Variants in BICD2 observed in about 807,000 individuals in gnomAD.
BICD2 encodes BICD cargo adaptor 2.
A neutral mutation model predicts 72.9 loss-of-function variants in BICD2; 25 were observed. The ratio of observed to expected loss-of-function variants is 0.34; its 90% CI spans 0.25 to 0.48. The LOEUF is 0.48. BICD2 is among the 20% of genes least tolerant of loss of function. BICD2 has a pLI of 0.99. For missense variants in BICD2, 894 were observed against 1,175.2 expected, an observed-to-expected ratio of 0.76 and a Z score of 3.50; for synonymous variants, 501 against 516.1, an observed-to-expected ratio of 0.97 and a Z score of 0.40.
chr9:92,743,049 G>A (rs1197976341), intron 1 of BICD2, among the ~76,000 whole-genome samples: 1 of 152,180 alleles, frequency 6.6e-6, no homozygotes, highest in African/African-American at 2.4e-5. Flanking sequence ...TTGAGGAACT[G>A]CCAAATTTTC....
intron 1 of BICD2, among the ~76,000 whole-genome samples, chr9:92,755,331 TTTCGCCTCGG>T (rs1382328330): frequency 6.6e-6 from 1 of 152,232 alleles, no homozygotes. Flanking sequence ...GCAATTTTAA[TTTCGCCTCGG>T]TCCTGTGGTC....
At position 92,711,909 on chromosome 9, in the gene BICD2, A is replaced by G. The variant is rs986710656; in HGVS notation, c.*3245T>C. 2.0e-5 allele frequency: 3 copies of G among 152,326 alleles called. 1 individual carries two copies. Among genetic ancestry groups the G allele is most frequent in the South Asian group, 4.2e-4 (2 of 4,806 alleles). 9.4% of individuals were successfully genotyped at this position (152,326 alleles called of 1,614,324 possible). On this transcript the variant is annotated 3_prime_UTR_variant, in exon 7 of 7. Coordinates refer to ENST00000356884, the MANE Select transcript of BICD2 (RefSeq NM_001003800.2). ...TTCCTCCAAGAGTACCAATTTGACCACTCCCACTAACCTCACTCAGCAAAC... is the reference window on the plus strand; with the variant it reads ...TTCCTCCAAGAGTACCAATTTGACCGCTCCCACTAACCTCACTCAGCAAAC...
intron 1 of BICD2, among the ~76,000 whole-genome samples, chr9:92,750,914 TTTTA>T (rs1405161777): frequency 5.9e-5 from 9 of 152,188 alleles, no homozygotes; most frequent in African/African-American, 1.9e-4. Flanking sequence ...AACTTTTTCT[TTTTA>T]TTTGTTTTTT....
chr9:92,729,295 G>A, intron 1 of BICD2, 59 bp from the exon 2 acceptor site: 2 of 1,564,276 alleles, frequency 1.3e-6, no homozygotes, highest in Non-Finnish European at 1.8e-6. Flanking sequence ...GAAGGATAGA[G>A]ACCCAGCTCA....
chr9:92,756,611 G>A (rs1164182359), intron 1 of BICD2, among the ~76,000 whole-genome samples: 3 of 148,444 alleles, frequency 2.0e-5, no homozygotes, highest in Non-Finnish European at 3.0e-5. Context: ...AGTGGCTCAC[G>A]CCTGTAATCC....
chr9:92,720,901 G>T lies in BICD2; in HGVS notation c.607-146C>A. On this transcript the variant is annotated intron_variant, in intron 3 of 6. Transcript: ENST00000356884. This position sits in a 1 kb window ranked among gnomAD's most constrained non-coding sequence, Gnocchi z 5.4. ...CCAGGTGAGGTGCCATCCTGGGAAG[G>T]GTGGCAGCCCGTCCAGGCCAAGACT... The T allele has an allele frequency of 1.2e-6, 1 of 836,698 alleles. No individual in the cohort carries two copies. The highest frequency in any genetic ancestry group is 1.8e-6 in the Non-Finnish European group (1 of 550,032). 51.8% of individuals were successfully genotyped at this position (836,698 alleles called of 1,614,324 possible).
chr9:92,763,789 G>A (rs1054902452), intron 1 of BICD2, among the ~76,000 whole-genome samples: 2 of 152,196 alleles, frequency 1.3e-5, no homozygotes, highest in Non-Finnish European at 2.9e-5. Context: ...AAGGGCCCGA[G>A]AAGCGGGGCT....
At chr9:92,723,582 A>G (rs541489926) in intron 2 of BICD2, among the ~76,000 whole-genome samples, 2 of 152,272 alleles carry the variant, frequency 1.3e-5, no homozygotes, top group East Asian at 1.9e-4. Context: ...AGTGACTGAA[A>G]TGGGTTTTCT....
chr9:92,719,568 C>T lies in BICD2; in HGVS notation c.1077G>A (p.Lys359=), dbSNP rs1229375343. The part of the protein sequence containing the change: ...KQQLMQMERE[K]AGLLATLQDT... Reference sequence around the variant, plus strand: ...CCTGCAGCGTTGCCAGCAGGCCCGCCTTTTCCCGCTCCATCTGCAAAGGCA... The same window carrying T: ...CCTGCAGCGTTGCCAGCAGGCCCGCTTTTTCCCGCTCCATCTGCAAAGGCA... Residue 359 remains lysine (K), a synonymous_variant, in exon 5 of 7, where the codon AAG becomes AAA. Transcript: ENST00000356884. 3 of 1,604,746 alleles carry T rather than the reference C, an allele frequency of 1.9e-6. No homozygotes were observed.
chr9:92,741,156 A>G (rs965451756), intron 1 of BICD2, among the ~76,000 whole-genome samples: 1 of 152,188 alleles, frequency 6.6e-6, no homozygotes, highest in Non-Finnish European at 1.5e-5. Flanking sequence ...ACTCAACGGG[A>G]ATGTTCAGCA....
intron 6 of BICD2, among the ~76,000 whole-genome samples, chr9:92,716,787 G>A (rs1853323936): frequency 1.3e-5 from 2 of 152,238 alleles, no homozygotes; most frequent in Admixed American, 6.5e-5. Flanking sequence ...AACACTTAGG[G>A]AGCCTCGATT....
rs1425451930 is a variant in BICD2, at chr9:92,713,321, T to C, written c.*1833A>G. ...CTGGGGAATGCTATTTTGAAAAGAA[T>C]TGCAGTGGCATATCCAAAAAGTTTC... is the stretch of plus-strand genomic sequence containing the variant. On this transcript the variant is annotated 3_prime_UTR_variant, in exon 7 of 7. Coordinates refer to ENST00000356884, the MANE Select transcript of BICD2 (RefSeq NM_001003800.2). 16 of 922,790 alleles carry C rather than the reference T, an allele frequency of 1.7e-5. No individual in the cohort carries two copies. 57.2% of individuals were successfully genotyped at this position (922,790 alleles called of 1,614,324 possible).
intron 1 of BICD2, among the ~76,000 whole-genome samples, chr9:92,752,111 T>G (rs780764138): frequency 1.8e-4 from 28 of 152,136 alleles, no homozygotes; most frequent in Non-Finnish European, 3.7e-4. Flanking sequence ...AGCCACTAAC[T>G]AACTGCATGT....
In BICD2 at chr9:92,712,880, T is replaced by C. The variant is rs961242639; in HGVS notation, c.*2274A>G. 2.6e-5 allele frequency: 4 copies of C among 152,700 alleles called. No homozygotes were observed. Among genetic ancestry groups the C allele is most frequent in the South Asian group, 2.1e-4 (1 of 4,844 alleles). 9.5% of individuals were successfully genotyped at this position (152,700 alleles called of 1,614,324 possible). ...CAATGCCGTATGATCTAAAGGCTGC[T>C]GAACCACAGCGTGGATACACTTAGC... On this transcript the variant is annotated 3_prime_UTR_variant, in exon 7 of 7. Coordinates refer to ENST00000356884, the MANE Select transcript of BICD2 (RefSeq NM_001003800.2).
rs762368676 is a variant in BICD2, at chr9:92,721,878, G to A, written c.606+778C>T. ...TTAATGAGCTCGAGCTGTCACAGAA[G>A]GACCAGGCTAGGAGCTCTGCATAAA... On this transcript the variant is annotated intron_variant, in intron 3 of 6. Transcript: ENST00000356884. 2.0e-4 allele frequency among the ~76,000 whole-genome samples: 31 copies of A among 152,224 alleles called. 1 individual carries two copies. The highest frequency in any genetic ancestry group is 1.0e-4 in the Non-Finnish European group (7 of 68,038).
At chr9:92,761,999 C>T (rs1352232894) in intron 1 of BICD2, among the ~76,000 whole-genome samples, 1 of 152,184 alleles carries the variant, frequency 6.6e-6, no homozygotes, top group African/African-American at 2.4e-5. Context: ...CAAGACCCTC[C>T]TCAGCTCTGA....
intron 1 of BICD2, among the ~76,000 whole-genome samples, chr9:92,734,446 G>A (rs911448080): frequency 2.6e-5 from 4 of 151,636 alleles, no homozygotes; most frequent in Non-Finnish European, 4.4e-5. Flanking sequence ...CCTGGGAAGC[G>A]GAGGTTCCAG....
At chr9:92,727,891 G>A (rs550431351) in intron 2 of BICD2, among the ~76,000 whole-genome samples, 2 of 152,294 alleles carry the variant, frequency 1.3e-5, no homozygotes, top group South Asian at 4.1e-4. Flanking sequence ...GACAGGCACG[G>A]GGTACTGCTC....
At position 92,715,358 on chromosome 9, in the gene BICD2, C is replaced by T. The variant is rs759037874; in HGVS notation, c.2364G>A (p.Gln788=). The T allele has an allele frequency of 1.2e-6, 2 of 1,613,130 alleles. No individual in the cohort carries two copies. The highest frequency in any genetic ancestry group is 2.7e-5 in the African/African-American group (2 of 75,080). ...LNSLLRMAIQ[Q]KLALTQRLEL... ...CCAGCCGCTGGGTCAGCGCCAGCTTCTGCTGGATGGCCATGCGCAGCAGCG... is the reference window on the plus strand; with the variant it reads ...CCAGCCGCTGGGTCAGCGCCAGCTTTTGCTGGATGGCCATGCGCAGCAGCG... Residue 788 remains glutamine (Q), a synonymous_variant, in exon 7 of 7, where the codon CAG becomes CAA. Coordinates refer to ENST00000356884, the MANE Select transcript of BICD2 (RefSeq NM_001003800.2).
Sources: allele counts gnomAD v4.1 joint callset (sites outside exome capture counted in the v4.1 genomes callset), GRCh38; gene constraint gnomAD v4.1.1; non-coding constraint Gnocchi (gnomAD v3.1); transcripts MANE v1.5; gene names NCBI Gene and HGNC (gene_info 2026-07-23, HGNC 2026-07-21).